The following FAM135B variants were observed in gnomAD, a reference collection of about 807,000 sequenced individuals.
FAM135B encodes family with sequence similarity 135 member B.
FAM135B carries 43 observed loss-of-function variants against 127.7 expected under a neutral mutation model. The ratio of observed to expected loss-of-function variants is 0.34; its 90% CI spans 0.26 to 0.43. The LOEUF (loss-of-function observed/expected upper bound fraction) is 0.43. Among genes scored for constraint, FAM135B ranks in the 20% least tolerant of loss-of-function variants. FAM135B has a pLI of 1.00. For missense variants in FAM135B, 1,558 were observed against 1,725.6 expected, an observed-to-expected ratio of 0.90 and a Z score of 1.72; for synonymous variants, 670 against 665.1, an observed-to-expected ratio of 1.01 and a Z score of -0.11.
At chr8:138,334,456 A>G (rs931248942) in intron 2 of FAM135B, among the ~76,000 whole-genome samples, 4 of 152,176 alleles carry the variant, frequency 2.6e-5, no homozygotes, top group African/African-American at 9.6e-5. Flanking sequence ...AACTTGTATC[A>G]TGGGGATTTG....
chr8:138,461,241 C>T lies in FAM135B; in HGVS notation c.-20+35430G>A, dbSNP rs187768307. ...AGCTGAGATATGCAGGGGTGTTAAG[C>T]ACACACCTGAGCCAGGAAGTGGACC... On this transcript the variant is annotated intron_variant, in intron 1 of 19. Coordinates refer to ENST00000395297, the MANE Select transcript of FAM135B (RefSeq NM_015912.4). Among the ~76,000 whole-genome samples the T allele has an allele frequency of 7.2e-5, 11 of 152,230 alleles. No individual in the cohort carries two copies. The East Asian group carries it at 2.1e-3, about 29-fold the overall frequency.
At chr8:138,315,434 A>G (rs2130915896) in intron 2 of FAM135B, among the ~76,000 whole-genome samples, 1 of 152,326 alleles carries the variant, frequency 6.6e-6, no homozygotes, top group East Asian at 1.9e-4. Context: ...AAGTAAAAAT[A>G]AAATTGCCAT....
intron 2 of FAM135B, among the ~76,000 whole-genome samples, chr8:138,315,945 G>A (rs1827055190): frequency 6.6e-6 from 1 of 152,088 alleles, no homozygotes; most frequent in Non-Finnish European, 1.5e-5. Context: ...GAGATCTAAT[G>A]TACAGCCGGA....
chr8:138,266,911 A>C (rs974729563), intron 3 of FAM135B, among the ~76,000 whole-genome samples: 2 of 152,148 alleles, frequency 1.3e-5, no homozygotes, highest in Non-Finnish European at 2.9e-5. Context: ...ATAGGGAACA[A>C]CTATATGGCA....
intron 1 of FAM135B, among the ~76,000 whole-genome samples, chr8:138,474,639 T>G (rs1404005451): frequency 6.6e-6 from 1 of 152,198 alleles, no homozygotes; most frequent in Non-Finnish European, 1.5e-5. Flanking sequence ...AAATCCTAAC[T>G]TTATTTGGGT....
At chr8:138,411,649 A>G (rs1295572620) in intron 1 of FAM135B, among the ~76,000 whole-genome samples, 2 of 152,108 alleles carry the variant, frequency 1.3e-5, no homozygotes, top group African/African-American at 2.4e-5. Flanking sequence ...ATCTAATTAA[A>G]CTAAAAAGCT....
intron 18 of FAM135B, among the ~76,000 whole-genome samples, 172 bp downstream of exon 18, chr8:138,138,813 CT>C (rs1816878904): frequency 6.6e-6 from 1 of 152,260 alleles, no homozygotes; most frequent in Non-Finnish European, 1.5e-5. Context: ...GCAAGAGGAG[CT>C]GAGTTCCTGG....
In FAM135B at chr8:138,255,026, C is replaced by CTTT. The variant is rs5895505; in HGVS notation, c.368+1660_368+1662dup. ...AAGAAGTTCTGAGAAGAAATCTGAA[C>CTTT]TTTTTTTTTTTTTTTTTTTTTGAGA... On this transcript the variant is annotated intron_variant, in intron 5 of 19. Coordinates refer to ENST00000395297, the MANE Select transcript of FAM135B (RefSeq NM_015912.4). 2.0e-4 allele frequency among the ~76,000 whole-genome samples: 24 copies of CTTT among 118,680 alleles called. 1 individual carries two copies. The highest frequency in any genetic ancestry group is 4.6e-4 in the Admixed American group (5 of 10,912). The allele number at this position is 118,680 out of a possible 152,430, so 77.9% of individuals were successfully genotyped here. A position where few individuals can be genotyped will look rare whatever the true frequency, so the allele number is the denominator to read the frequency against.
rs2130792234 is a variant in FAM135B, at chr8:138,153,129, A to T, written c.1346T>A (p.Met449Lys). 1 of 1,613,922 alleles carries T rather than the reference A, an allele frequency of 6.2e-7. No homozygotes were observed. The highest frequency in any genetic ancestry group is 8.5e-7 in the Non-Finnish European group (1 of 1,179,796). ...MNLKDKEDNC[M>K]VNSNLSFRED... Reference sequence around the variant, plus strand: ...CCTAAAAGATAAATTGCTATTTACCATACAGTTATCTTCCTTGTCTTTCAG... The same window carrying T: ...CCTAAAAGATAAATTGCTATTTACCTTACAGTTATCTTCCTTGTCTTTCAG... The change falls in exon 13 of 20, where the codon ATG becomes AAG. Residue 449 changes from methionine (M) to lysine (K), a missense_variant. Physicochemically the swap from Met to Lys is moderately conservative, Grantham distance 95. Coordinates refer to ENST00000395297, the MANE Select transcript of FAM135B (RefSeq NM_015912.4).
chr8:138,393,828 C>T (rs1832720384), intron 1 of FAM135B, among the ~76,000 whole-genome samples: 1 of 152,088 alleles, frequency 6.6e-6, no homozygotes, highest in Middle Eastern at 3.2e-3. Flanking sequence ...ATGGACAGAC[C>T]AACAGTAAGA....
At chr8:138,343,094 C>G (rs189530687) in intron 2 of FAM135B, among the ~76,000 whole-genome samples, 8 of 152,170 alleles carry the variant, frequency 5.3e-5, no homozygotes, top group African/African-American at 1.7e-4. Flanking sequence ...TGTCCCATGA[C>G]GAATAGTTGA....
chr8:138,457,759 G>A (rs1836876196), intron 1 of FAM135B, among the ~76,000 whole-genome samples: 1 of 152,122 alleles, frequency 6.6e-6, no homozygotes, highest in South Asian at 2.1e-4. Flanking sequence ...ATCGGATGAG[G>A]TCAGGAGTTC....
upstream of FAM135B, among the ~76,000 whole-genome samples, chr8:138,497,403 G>T (rs2131707278): frequency 6.6e-6 from 1 of 151,706 alleles, no homozygotes; most frequent in Non-Finnish European, 1.5e-5. Context: ...GCGGCCCCGC[G>T]TGCGGCCCTC....
At chr8:138,174,722 C>A (rs1361423422) in intron 11 of FAM135B, among the ~76,000 whole-genome samples, 1 of 152,040 alleles carries the variant, frequency 6.6e-6, no homozygotes, top group Non-Finnish European at 1.5e-5. Flanking sequence ...CTGGAGAGCT[C>A]CGTCTCCCAT....
chr8:138,312,073 C>G (rs1034168088), intron 2 of FAM135B, among the ~76,000 whole-genome samples: 1 of 151,970 alleles, frequency 6.6e-6, no homozygotes, highest in Admixed American at 6.6e-5. Context: ...CAGCCTCCCA[C>G]GTAGCTGGGA....
chr8:138,160,980 A>T (rs1005950201), intron 12 of FAM135B, among the ~76,000 whole-genome samples: 5 of 152,198 alleles, frequency 3.3e-5, no homozygotes, highest in Admixed American at 2.6e-4. Context: ...CAGCGATGAG[A>T]CCTTGGACAA....
At chr8:138,186,567 G>A (rs1349717483) in intron 9 of FAM135B, among the ~76,000 whole-genome samples, 1 of 152,062 alleles carries the variant, frequency 6.6e-6, no homozygotes, top group East Asian at 1.9e-4. Flanking sequence ...GCAATGACCG[G>A]CCAATTCTTT....
intron 2 of FAM135B, among the ~76,000 whole-genome samples, chr8:138,340,792 C>T (rs950161115): frequency 6.6e-6 from 1 of 152,146 alleles, no homozygotes; most frequent in Non-Finnish European, 1.5e-5. Flanking sequence ...TCTCTCTGTG[C>T]CTCGTGCATC....
At chr8:138,262,086 A>G (rs1195765070) in intron 4 of FAM135B, among the ~76,000 whole-genome samples, 1 of 152,226 alleles carries the variant, frequency 6.6e-6, no homozygotes, top group African/African-American at 2.4e-5. Flanking sequence ...CTTACAGAGA[A>G]AAGAAATTTG....
Sources: allele counts gnomAD v4.1 joint callset (sites outside exome capture counted in the v4.1 genomes callset), GRCh38; gene constraint gnomAD v4.1.1; transcripts MANE v1.5; gene names NCBI Gene and HGNC (gene_info 2026-07-23, HGNC 2026-07-21).